The following DOCK8 variants were observed in gnomAD, a reference collection of about 807,000 sequenced individuals.
DOCK8 encodes the protein dedicator of cytokinesis 8, also known as dedicator of cytokinesis protein 8.
A neutral mutation model predicts 245.6 loss-of-function variants in DOCK8; 141 were observed. The ratio of observed to expected loss-of-function variants is 0.57; its 90% CI spans 0.50 to 0.66. The LOEUF (loss-of-function observed/expected upper bound fraction) is 0.66. Among genes scored for constraint, DOCK8 ranks in the 30% least tolerant of loss-of-function variants. The probability of loss-of-function intolerance (pLI) is 0.00; values close to 1 mark genes in which losing one functional copy is unlikely to be tolerated. For synonymous variants in DOCK8, 1,168 were observed against 970.2 expected, an observed-to-expected ratio of 1.20 and a Z score of -3.79; for missense variants, 2,965 against 2,603.4, an observed-to-expected ratio of 1.14 and a Z score of -3.02.
chr9:345,141 C>G (rs1403834787), intron 14 of DOCK8, among the ~76,000 whole-genome samples: 1 of 152,168 alleles, frequency 6.6e-6, no homozygotes, highest in Non-Finnish European at 1.5e-5. Flanking sequence ...AAGAGTCTGT[C>G]AGGTAACTTT....
intron 1 of DOCK8, among the ~76,000 whole-genome samples, chr9:250,171 G>A (rs971383221): frequency 5.9e-5 from 9 of 152,204 alleles, no homozygotes; most frequent in African/African-American, 2.2e-4. Flanking sequence ...GGTTCAAGAT[G>A]CGAGGGCAAG....
chr9:387,680 G>A (rs1450800018), intron 23 of DOCK8, among the ~76,000 whole-genome samples: 1 of 152,142 alleles, frequency 6.6e-6, no homozygotes, highest in Non-Finnish European at 1.5e-5. Flanking sequence ...GAGGTACCAG[G>A]ATTTAACTAT....
chr9:456,679 G>A (rs923561738), intron 46 of DOCK8: 5 of 152,144 alleles, frequency 3.3e-5, no homozygotes, highest in Admixed American at 2.0e-4. Context: ...ACCAAGCTGG[G>A]ACCTCAATCA....
At chr9:305,322 G>A (rs112977467) in intron 5 of DOCK8, among the ~76,000 whole-genome samples, 4,227 of 149,780 alleles carry the variant, frequency 0.028, 104 homozygotes, top group South Asian at 0.056. Flanking sequence ...TCGCTCTGTC[G>A]CCCAGGCTGG....
intron 46 of DOCK8, chr9:456,430 G>T (rs910978563): frequency 2.0e-5 from 3 of 152,240 alleles, no homozygotes; most frequent in African/African-American, 7.2e-5. Flanking sequence ...CTTCTCAGCA[G>T]ACTTGGGCTG....
intron 1 of DOCK8, among the ~76,000 whole-genome samples, chr9:248,215 C>A (rs2047554135): frequency 6.6e-6 from 1 of 152,228 alleles, no homozygotes; most frequent in African/African-American, 2.4e-5. Flanking sequence ...CACCAGGGCT[C>A]AGGTCTCTTG....
At chr9:396,407 T>C (rs2054457821) in intron 24 of DOCK8, among the ~76,000 whole-genome samples, 1 of 152,226 alleles carries the variant, frequency 6.6e-6, no homozygotes, top group South Asian at 2.1e-4. Context: ...AAACTGTTCC[T>C]TTCTGAGTCA....
intron 3 of DOCK8, among the ~76,000 whole-genome samples, chr9:288,622 T>A (rs1228262310): frequency 1.3e-5 from 2 of 152,222 alleles, no homozygotes; most frequent in African/African-American, 4.8e-5. Flanking sequence ...CTAACCGATT[T>A]AATCTTCATC....
intron 15 of DOCK8, chr9:369,805 CTT>C: frequency 1.3e-5 from 3 of 232,508 alleles, no homozygotes; most frequent in East Asian, 1.1e-4. Flanking sequence ...AGTCCCAGCA[CTT>C]TTTTTTTTCT....
chr9:356,955 G>C (rs1040951803), intron 14 of DOCK8, among the ~76,000 whole-genome samples: 1 of 151,942 alleles, frequency 6.6e-6, no homozygotes, highest in Non-Finnish European at 1.5e-5. Flanking sequence ...AGCAGATTTC[G>C]AATGCTTGGA....
intron 24 of DOCK8, among the ~76,000 whole-genome samples, chr9:394,837 G>A (rs1240787188): frequency 6.6e-6 from 1 of 152,212 alleles, no homozygotes; most frequent in Non-Finnish European, 1.5e-5. Context: ...TTCTTCTCTG[G>A]AGATCTGGAG....
chr9:437,382 G>A (rs144981658), intron 39 of DOCK8, among the ~76,000 whole-genome samples: 2 of 152,298 alleles, frequency 1.3e-5, no homozygotes, highest in African/African-American at 4.8e-5. Context: ...CTCCTTTCTA[G>A]CAGTTGCAGA....
chr9:264,911 A>C (rs187178345), intron 1 of DOCK8, among the ~76,000 whole-genome samples: 28 of 152,268 alleles, frequency 1.8e-4, no homozygotes, highest in Non-Finnish European at 3.8e-4. Context: ...ACATGCAACA[A>C]ATTTTTAAAC....
intron 25 of DOCK8, among the ~76,000 whole-genome samples, 176 bp from the exon 26 acceptor site, chr9:398,970 T>G (rs1329317700): frequency 1.3e-5 from 2 of 152,202 alleles, no homozygotes; most frequent in African/African-American, 2.4e-5. Flanking sequence ...ATTACTTGAT[T>G]CAACCTCACA....
chr9:340,537 C>T, intron 14 of DOCK8: 1 of 538,332 alleles, frequency 1.9e-6, no homozygotes, highest in Non-Finnish European at 3.3e-6. Flanking sequence ...AGGAGAATCG[C>T]TTGAACCCAG....
At chr9:236,426 C>G (rs1449133736) in intron 1 of DOCK8, among the ~76,000 whole-genome samples, 2 of 152,152 alleles carry the variant, frequency 1.3e-5, no homozygotes, top group African/African-American at 4.8e-5. Flanking sequence ...TCACCCCCAA[C>G]AAAACTAGGG....
At chr9:263,012 G>C (rs1398076217) in intron 1 of DOCK8, among the ~76,000 whole-genome samples, 1 of 152,178 alleles carries the variant, frequency 6.6e-6, no homozygotes, top group African/African-American at 2.4e-5. Flanking sequence ...TTGAAGACCA[G>C]CCTAGCCAAC....
intron 4 of DOCK8, among the ~76,000 whole-genome samples, chr9:294,134 C>T (rs1409025791): frequency 2.6e-5 from 4 of 152,222 alleles, no homozygotes; most frequent in African/African-American, 4.8e-5. Flanking sequence ...AGCTATATCC[C>T]ATTCTACTGA....
intron 28 of DOCK8, among the ~76,000 whole-genome samples, chr9:409,835 G>A (rs1047224911): frequency 1.3e-5 from 2 of 151,816 alleles, no homozygotes; most frequent in African/African-American, 4.8e-5. Context: ...TGAGAATGAC[G>A]GTTTTCAGCT....
Sources: allele counts gnomAD v4.1 joint callset (sites outside exome capture counted in the v4.1 genomes callset), GRCh38; gene constraint gnomAD v4.1.1; transcripts MANE v1.5; gene names NCBI Gene and HGNC (gene_info 2026-07-23, HGNC 2026-07-21).